The following ITFG1 variants were observed in gnomAD, a reference collection of about 807,000 sequenced individuals.
ITFG1 encodes the protein integrin alpha FG-GAP repeat containing 1, also known as T-cell immunomodulatory protein.
Under a neutral mutation model 81.8 loss-of-function variants are expected in ITFG1, and 34 were observed. That is an observed-to-expected ratio of 0.42 (90% CI 0.32 to 0.55). The LOEUF is 0.55. ITFG1 is among the 20% of genes least tolerant of loss of function. The pLI is 0.17. For synonymous variants in ITFG1, 285 were observed against 270.6 expected, an observed-to-expected ratio of 1.05 and a Z score of -0.52; for missense variants, 672 against 755.4, an observed-to-expected ratio of 0.89 and a Z score of 1.29.
intron 8 of ITFG1, among the ~76,000 whole-genome samples, chr16:47,335,752 A>G (rs957544414): frequency 6.6e-6 from 1 of 152,252 alleles, no homozygotes; most frequent in Non-Finnish European, 1.5e-5. Context: ...GAATGTAGAG[A>G]GAATAGAAAT....
intron 5 of ITFG1, among the ~76,000 whole-genome samples, chr16:47,443,461 C>T (rs958167164): frequency 5.9e-5 from 9 of 152,072 alleles, no homozygotes; most frequent in South Asian, 4.2e-4. Flanking sequence ...ATGTTTATTG[C>T]GACACTATTC....
At chr16:47,239,750 C>G (rs1232717106) in intron 12 of ITFG1, among the ~76,000 whole-genome samples, 1 of 152,082 alleles carries the variant, frequency 6.6e-6, no homozygotes, top group African/African-American at 2.4e-5. Context: ...ATTATGAAAA[C>G]CCTAACTTCT....
At chr16:47,370,014 G>C (rs1968230910) in intron 7 of ITFG1, among the ~76,000 whole-genome samples, 1 of 151,570 alleles carries the variant, frequency 6.6e-6, no homozygotes, top group South Asian at 2.1e-4. Context: ...AACTTTTTTT[G>C]TGTTTTTAGT....
chr16:47,235,131 G>A (rs1471525391), intron 13 of ITFG1, among the ~76,000 whole-genome samples: 3 of 152,174 alleles, frequency 2.0e-5, no homozygotes, highest in Admixed American at 6.5e-5. Context: ...GTGCCAATAC[G>A]CAGAGCTACA....
chr16:47,182,045 G>A (rs12447223), intron 14 of ITFG1, among the ~76,000 whole-genome samples: 5,148 of 152,044 alleles, frequency 0.034, 283 homozygotes, highest in Admixed American at 0.16. Flanking sequence ...CAAACACTGC[G>A]GAAGGCCACA....
intron 10 of ITFG1, among the ~76,000 whole-genome samples, chr16:47,309,068 C>CTT (rs1188663308): frequency 8.1e-5 from 11 of 136,330 alleles, no homozygotes; most frequent in African/African-American, 1.1e-4. Context: ...AACATAACTT[C>CTT]TTTTTTTTTT....
intron 10 of ITFG1, among the ~76,000 whole-genome samples, chr16:47,280,556 A>G (rs183052014): frequency 6.6e-6 from 1 of 152,286 alleles, no homozygotes; most frequent in African/African-American, 2.4e-5. Flanking sequence ...GAGCTCCTAA[A>G]TGGAATTTCC....
chr16:47,291,158 C>G (rs1018711924), intron 10 of ITFG1, among the ~76,000 whole-genome samples: 1 of 151,820 alleles, frequency 6.6e-6, no homozygotes, highest in Non-Finnish European at 1.5e-5. Context: ...TTATAGTATT[C>G]TTTGGTTTTT....
At chr16:47,252,413 A>G (rs1003722378) in intron 12 of ITFG1, among the ~76,000 whole-genome samples, 5 of 152,260 alleles carry the variant, frequency 3.3e-5, no homozygotes, top group Non-Finnish European at 5.9e-5. Flanking sequence ...TGTTTGGTAA[A>G]CAAAGGTGAA....
chr16:47,351,517 C>A (rs1403395698), intron 8 of ITFG1, among the ~76,000 whole-genome samples: 2 of 152,206 alleles, frequency 1.3e-5, no homozygotes, highest in South Asian at 4.1e-4. Context: ...ATGTGAAGGA[C>A]CTCTTCAAGG....
At chr16:47,411,971 C>T (rs542052216) in intron 6 of ITFG1, among the ~76,000 whole-genome samples, 7 of 152,272 alleles carry the variant, frequency 4.6e-5, no homozygotes, top group African/African-American at 1.4e-4. Flanking sequence ...GACTGTGAAA[C>T]CCAATGCAGA....
intron 6 of ITFG1, among the ~76,000 whole-genome samples, chr16:47,414,830 A>G (rs1968854557): frequency 6.6e-6 from 1 of 152,228 alleles, no homozygotes; most frequent in South Asian, 2.1e-4. Flanking sequence ...AAAATAAAAT[A>G]AAATAAAATA....
chr16:47,316,312 A>C (rs1362489382), intron 8 of ITFG1, among the ~76,000 whole-genome samples: 1 of 152,224 alleles, frequency 6.6e-6, no homozygotes, highest in African/African-American at 2.4e-5. Flanking sequence ...TTAAGCCTTT[A>C]ACCACATTTG....
At chr16:47,220,225 AGT>A (rs940514156) in intron 13 of ITFG1, among the ~76,000 whole-genome samples, 82 of 152,360 alleles carry the variant, frequency 5.4e-4, no homozygotes, top group African/African-American at 1.8e-3. Flanking sequence ...GTTCTCAAAG[AGT>A]GTTACAAGAA....
At chr16:47,360,449 T>C (rs1001392616) in intron 8 of ITFG1, among the ~76,000 whole-genome samples, 9 of 152,084 alleles carry the variant, frequency 5.9e-5, no homozygotes, top group Non-Finnish European at 1.2e-4. Context: ...TTTTCAACTA[T>C]AAGATACAAA....
intron 6 of ITFG1, among the ~76,000 whole-genome samples, chr16:47,418,876 AT>A (rs1293967553): frequency 1.3e-5 from 2 of 152,128 alleles, no homozygotes; most frequent in Non-Finnish European, 2.9e-5. Context: ...ACTACTCAGT[AT>A]ATTTTGTTGT....
At chr16:47,276,634 C>T (rs1481223547) in intron 10 of ITFG1, among the ~76,000 whole-genome samples, 1 of 151,992 alleles carries the variant, frequency 6.6e-6, no homozygotes, top group Non-Finnish European at 1.5e-5. Context: ...TATTTTAGAG[C>T]TAGAATGATT....
At chr16:47,228,144 A>G (rs1282335436) in intron 13 of ITFG1, among the ~76,000 whole-genome samples, 1 of 152,222 alleles carries the variant, frequency 6.6e-6, no homozygotes, top group Non-Finnish European at 1.5e-5. Context: ...TCGTTTTTCT[A>G]TCTTTGGTAC....
chr16:47,384,793 G>A (rs1968439304), intron 6 of ITFG1, among the ~76,000 whole-genome samples: 1 of 152,152 alleles, frequency 6.6e-6, no homozygotes, highest in African/African-American at 2.4e-5. Flanking sequence ...AAACACAAAT[G>A]ATGGCGGGGC....
Sources: allele counts gnomAD v4.1 joint callset (sites outside exome capture counted in the v4.1 genomes callset), GRCh38; gene constraint gnomAD v4.1.1; transcripts MANE v1.5; gene names NCBI Gene and HGNC (gene_info 2026-07-23, HGNC 2026-07-21).